PTGER3: variants seen among roughly 807,000 people sequenced by gnomAD.
PTGER3 encodes the protein prostaglandin E receptor 3.
A neutral mutation model predicts 34.7 loss-of-function variants in PTGER3; 22 were observed. The observed-to-expected ratio is 0.63, with a 90% CI of 0.45 to 0.91. PTGER3 has a LOEUF of 0.91. Ranked by LOEUF, PTGER3 falls within the 40% of genes least tolerant of loss-of-function variation. PTGER3 has a pLI of 0.00. For synonymous variants in PTGER3, 241 were observed against 230.1 expected, an observed-to-expected ratio of 1.05 and a Z score of -0.43; for missense variants, 468 against 519.4, an observed-to-expected ratio of 0.90 and a Z score of 0.96.
exon 4 of PTGER3, chr1:70,952,854 T>G (rs1196542919): frequency 1.3e-6 from 2 of 1,523,292 alleles, no homozygotes; most frequent in African/African-American, 1.4e-5. Flanking sequence ...CAAACTCAGC[T>G]GGAGGAGCTT....
intron 2 of PTGER3, chr1:71,008,071 C>T (rs1657121382): frequency 4.1e-6 from 4 of 983,146 alleles, no homozygotes; most frequent in Non-Finnish European, 4.8e-6. Context: ...TATCTCTCCT[C>T]TTAAAAACAA....
intron 4 of PTGER3, among the ~76,000 whole-genome samples, chr1:70,917,687 G>A (rs1474306516): frequency 2.0e-5 from 3 of 151,706 alleles, no homozygotes; most frequent in Admixed American, 1.3e-4. Flanking sequence ...ACGTATAAGA[G>A]TTCTTTTTTC....
At chr1:70,890,708 G>C (rs1646598057) in intron 4 of PTGER3, among the ~76,000 whole-genome samples, 1 of 152,076 alleles carries the variant, frequency 6.6e-6, no homozygotes, top group Non-Finnish European at 1.5e-5. Context: ...AGCCCTCCCT[G>C]ACCTATCCTT....
chr1:70,950,025 C>T (rs12410289), downstream of PTGER3, among the ~76,000 whole-genome samples: 16,074 of 152,066 alleles, frequency 0.11, 970 homozygotes, highest in Middle Eastern at 0.21. Flanking sequence ...GAGGCAAATT[C>T]CCAGCACGTA....
At chr1:70,944,910 C>G (rs1048296312) in intron 4 of PTGER3, among the ~76,000 whole-genome samples, 2 of 152,100 alleles carry the variant, frequency 1.3e-5, no homozygotes, top group African/African-American at 4.8e-5. Context: ...AAGGCCAAAT[C>G]ATAAGTAGAT....
At chr1:70,881,668 A>G (rs1236676447) in intron 4 of PTGER3, among the ~76,000 whole-genome samples, 1 of 152,128 alleles carries the variant, frequency 6.6e-6, no homozygotes, top group African/African-American at 2.4e-5. Flanking sequence ...ACTGGCTTCA[A>G]TTATAGTCTG....
intron 2 of PTGER3, among the ~76,000 whole-genome samples, chr1:71,004,834 T>G (rs1656799903): frequency 6.6e-6 from 1 of 152,236 alleles, no homozygotes; most frequent in African/African-American, 2.4e-5. Context: ...CAGGCATTGT[T>G]GTAGTGGCAG....
chr1:71,045,689 A>C (rs1388688543), intron 1 of PTGER3, among the ~76,000 whole-genome samples: 2 of 152,146 alleles, frequency 1.3e-5, no homozygotes, highest in Non-Finnish European at 2.9e-5. Context: ...GGACATGGAG[A>C]AACCTCTACC....
intron 4 of PTGER3, among the ~76,000 whole-genome samples, chr1:70,932,640 G>A (rs1042072764): frequency 6.6e-6 from 1 of 152,096 alleles, no homozygotes; most frequent in Non-Finnish European, 1.5e-5. Context: ...CTTATTCACT[G>A]CCAGGAGAGC....
chr1:70,988,673 G>C (rs1028495280), intron 2 of PTGER3, among the ~76,000 whole-genome samples: 3 of 152,116 alleles, frequency 2.0e-5, no homozygotes, highest in Non-Finnish European at 4.4e-5. Context: ...ATCAGCCCTG[G>C]ACTATCTACA....
chr1:70,983,319 T>C (rs888103838), intron 2 of PTGER3, among the ~76,000 whole-genome samples: 2 of 151,928 alleles, frequency 1.3e-5, no homozygotes, highest in African/African-American at 2.4e-5. Flanking sequence ...ATGGCTAGAA[T>C]TGGGGATATT....
intron 2 of PTGER3, among the ~76,000 whole-genome samples, chr1:70,984,142 C>T (rs1331930831): frequency 6.6e-6 from 1 of 152,016 alleles, no homozygotes; most frequent in Non-Finnish European, 1.5e-5. Flanking sequence ...ATCCCAGCAC[C>T]TTTGGAGGCC....
At position 70,928,328 on chromosome 1, in the gene PTGER3, G is replaced by A. The variant is rs1648333789; in HGVS notation, c.*23+25435C>T. Among the ~76,000 whole-genome samples the A allele has an allele frequency of 2.6e-5, 4 of 151,424 alleles. No homozygotes were observed. The South Asian group carries it at 8.3e-4, about 31-fold the overall frequency. ...CTTTGATTACAAAAAAAAAAAGTGG[G>A]TTAGGGGGAAGAAATGAAGAGGAAG... On this transcript the variant is annotated intron_variant, in intron 4 of 4. Transcript: ENST00000370931.
In PTGER3 at chr1:70,989,915, A is replaced by T. The variant is rs574740099; in HGVS notation, c.1078-15527T>A. 1.8e-4 allele frequency among the ~76,000 whole-genome samples: 28 copies of T among 152,232 alleles called. No homozygotes were observed. The South Asian group carries it at 5.2e-3, about 28-fold the overall frequency. ...CACACACACGCACACACACACATGC[A>T]TATATATTTTCACATATATACATGT... is the stretch of plus-strand genomic sequence containing the variant. On this transcript the variant is annotated intron_variant, in intron 2 of 3. Coordinates refer to ENST00000306666, the MANE Select transcript of PTGER3 (RefSeq NM_198719.2).
intron 4 of PTGER3, among the ~76,000 whole-genome samples, chr1:70,943,186 T>A (rs1313884576): frequency 1.3e-5 from 2 of 152,298 alleles, no homozygotes; most frequent in African/African-American, 4.8e-5. Context: ...CTGCCTTAAC[T>A]CCTGACAATA....
chr1:70,909,647 A>G (rs1282296384), intron 4 of PTGER3, among the ~76,000 whole-genome samples: 1 of 152,206 alleles, frequency 6.6e-6, no homozygotes, highest in Admixed American at 6.5e-5. Flanking sequence ...AAATGAGGCT[A>G]GGAAGGTTGA....
chr1:71,029,579 T>C (rs1659224423), intron 1 of PTGER3, among the ~76,000 whole-genome samples: 2 of 152,186 alleles, frequency 1.3e-5, no homozygotes, highest in African/African-American at 4.8e-5. Flanking sequence ...CTGTGCATAA[T>C]TAAGTATAAA....
chr1:70,973,014 G>T (rs182844895), intron 3 of PTGER3, among the ~76,000 whole-genome samples: 2 of 147,498 alleles, frequency 1.4e-5, no homozygotes, highest in Non-Finnish European at 3.0e-5. Flanking sequence ...AATGGAGTTA[G>T]AGTGAACCTA....
chr1:71,012,606 C>G (rs545079004), intron 1 of PTGER3, 122 bp from the exon 2 acceptor site: 28 of 800,326 alleles, frequency 3.5e-5, no homozygotes, highest in African/African-American at 2.8e-4. Context: ...ATGATTAATT[C>G]AAGCAACATT....
Sources: gnomAD v4.1 joint callset for allele counts (sites outside exome capture counted in the v4.1 genomes callset) on GRCh38, gnomAD v4.1.1 for gene constraint, MANE v1.5 for transcripts, NCBI Gene and HGNC (gene_info 2026-07-23, HGNC 2026-07-21) for gene names.